Variants in PDXK observed in about 807,000 individuals in gnomAD.
PDXK encodes epididymis secretory sperm binding protein Li 1a.
PDXK carries 15 observed loss-of-function variants against 43.2 expected under a neutral mutation model. That is an observed-to-expected ratio of 0.35 (90% CI 0.23 to 0.53). The LOEUF is 0.53. PDXK is among the 20% of genes least tolerant of loss of function. The pLI is 0.92. For synonymous variants in PDXK, 172 were observed against 165.4 expected, an observed-to-expected ratio of 1.04 and a Z score of -0.31; for missense variants, 343 against 417.0, an observed-to-expected ratio of 0.82 and a Z score of 1.54.
At chr21:43,742,875 A>AT (rs2083561354) in intron 3 of PDXK, among the ~76,000 whole-genome samples, 1 of 152,130 alleles carries the variant, frequency 6.6e-6, no homozygotes, top group Non-Finnish European at 1.5e-5. Context: ...CTCAAAATAA[A>AT]TAAGATTAAA....
Position 43,755,723 on chromosome 21 carries a change from C to G in PDXK, c.785C>G (p.Thr262Ser). The change falls in exon 10 of 11, where the codon ACC becomes AGC. Residue 262 changes from threonine to serine, a missense_variant. Transcript: ENST00000291565. ...LKVACEKTVSTLHHVLQRTIQ... is the reference protein window; with the variant it reads ...LKVACEKTVSSLHHVLQRTIQ... ...GTGGCCTGTGAGAAGACCGTGTCTA[C>G]CTTGCACCACGTTCTGCAGAGGACC... is the stretch of plus-strand genomic sequence containing the variant. The G allele has an allele frequency of 1.9e-6, 3 of 1,614,056 alleles. No individual in the cohort carries two copies. The highest frequency in any genetic ancestry group is 2.5e-6 in the Non-Finnish European group (3 of 1,179,926).
At chr21:43,749,216 T>C (rs2083692363) in intron 6 of PDXK, 136 bp downstream of exon 6, 2 of 503,292 alleles carry the variant, frequency 4.0e-6, no homozygotes, top group Non-Finnish European at 7.1e-6. Context: ...GCAATTCTCC[T>C]GCCTCAGCCT....
rs1601792516 is a variant in PDXK at position 43,732,607 on chromosome 21, A to T, written c.88-1462A>T. 2 of 800,740 alleles carry T rather than the reference A, an allele frequency of 2.5e-6. No individual in the cohort carries two copies. Among genetic ancestry groups the T allele is most frequent in the Non-Finnish European group, 4.6e-6 (2 of 437,220 alleles). The allele number at this position is 800,740 out of a possible 1,614,324, so 49.6% of individuals were successfully genotyped here. On this transcript the variant is annotated intron_variant, in intron 1 of 10. Transcript: ENST00000291565. This position sits in a 1 kb window ranked among gnomAD's most constrained non-coding sequence, Gnocchi z 4.1. ...AGAATATTTTGGCAGGATTTTCAGG[A>T]TTTGTGTCATCGTTGCTTAATATCT...
intron 1 of PDXK, chr21:43,729,088 C>T: frequency 1.1e-6 from 1 of 899,062 alleles, no homozygotes; most frequent in East Asian, 1.4e-4. Flanking sequence ...CGCCCGCAAT[C>T]CTGCCCCCTG....
intron 2 of PDXK, chr21:43,738,787 C>T (rs2083445807): frequency 6.6e-6 from 1 of 152,494 alleles, no homozygotes; most frequent in Admixed American, 6.5e-5. Context: ...CACTGCCTCC[C>T]TTTCACTGTT....
chr21:43,755,718 G>C lies in PDXK; in HGVS notation c.780G>C (p.Val260=), dbSNP rs762399. The change falls in exon 10 of 11, where the codon GTG becomes GTC. Residue 260 remains valine, a synonymous_variant. Coordinates refer to ENST00000291565, the MANE Select transcript of PDXK (RefSeq NM_003681.5). ...NNLKVACEKT[V]STLHHVLQRT... The stretch of plus-strand genomic sequence containing the variant: ...TGCAGGTGGCCTGTGAGAAGACCGT[G>C]TCTACCTTGCACCACGTTCTGCAGA... 522 of 1,614,090 alleles carry C rather than the reference G, an allele frequency of 3.2e-4. 3 individuals are homozygous for C. The African/African-American group carries it at 6.2e-3, about 19-fold the overall frequency.
Position 43,758,347 on chromosome 21 carries a change from A to T in PDXK, c.*2284A>T, listed in dbSNP as rs2083885587. Reference sequence around the variant, plus strand: ...TTTCTTTGGCTGTATCAGCCGAACCAGGAGAGGCCTGGGCTGCGACTAAGG... The same window carrying T: ...TTTCTTTGGCTGTATCAGCCGAACCTGGAGAGGCCTGGGCTGCGACTAAGG... On this transcript the variant is annotated 3_prime_UTR_variant, in exon 11 of 11. Transcript: ENST00000291565. 1 of 153,548 alleles carries T rather than the reference A, an allele frequency of 6.5e-6. No homozygotes were observed. Among genetic ancestry groups the T allele is most frequent in the African/African-American group, 2.4e-5 (1 of 41,446 alleles). The allele number at this position is 153,548 out of a possible 1,614,324, so 9.5% of individuals were successfully genotyped here. A position where few individuals can be genotyped will look rare whatever the true frequency, so the allele number is the denominator to read the frequency against.
chr21:43,739,783 G>A (rs1379359854), intron 2 of PDXK, among the ~76,000 whole-genome samples: 1 of 151,806 alleles, frequency 6.6e-6, no homozygotes. Flanking sequence ...ACCTCCCCAG[G>A]AAAGGAGCAC....
chr21:43,743,471 C>T (rs13048886), intron 3 of PDXK, among the ~76,000 whole-genome samples: 11 of 78,388 alleles, frequency 1.4e-4, no homozygotes, highest in South Asian at 5.3e-4. Flanking sequence ...TCCCCCCAGC[C>T]CCCGAGCACT....
intron 8 of PDXK, among the ~76,000 whole-genome samples, chr21:43,753,288 G>A (rs573066065): frequency 9.9e-5 from 15 of 152,194 alleles, no homozygotes; most frequent in East Asian, 1.9e-4. Context: ...ACACACACTC[G>A]GATGCGTCCA....
intron 4 of PDXK, among the ~76,000 whole-genome samples, chr21:43,745,547 G>C (rs2083624342): frequency 6.6e-6 from 1 of 152,136 alleles, no homozygotes; most frequent in South Asian, 2.1e-4. Flanking sequence ...GGTGGATGGT[G>C]GTCGTGGTTA....
In PDXK at chr21:43,723,183, C is replaced by T. The variant is rs743464; in HGVS notation, c.87+3802C>T. Among the ~76,000 whole-genome samples the T allele has an allele frequency of 0.085, 12,573 of 147,748 alleles. 582 individuals are homozygous for T. Among genetic ancestry groups the T allele is most frequent in the Middle Eastern group, 0.13 (35 of 274 alleles). ...TTTTTTTTTTTTTTGAGACGAGGGT[C>T]TCACTCTGTCGCTCAGGCTGAAGTA... is the stretch of plus-strand genomic sequence containing the variant. On this transcript the variant is annotated intron_variant, in intron 1 of 10. Transcript: ENST00000291565. The surrounding 1 kb of genome is among the most constrained non-coding windows in gnomAD (Gnocchi z 4.1).
intron 5 of PDXK, among the ~76,000 whole-genome samples, chr21:43,747,982 C>T (rs548960069): frequency 2.1e-4 from 32 of 152,206 alleles, no homozygotes; most frequent in Non-Finnish European, 4.3e-4. Context: ...GGAGCAGCGG[C>T]CGGCGTGTGA....
At chr21:43,725,405 C>T (rs7277065) in intron 1 of PDXK, among the ~76,000 whole-genome samples, 19,728 of 152,136 alleles carry the variant, frequency 0.13, 1,581 homozygotes, top group African/African-American at 0.23. Context: ...GTCTTCTTTG[C>T]CTTCAGAACT....
intron 1 of PDXK, among the ~76,000 whole-genome samples, chr21:43,733,051 A>G (rs1459658549): frequency 6.6e-6 from 1 of 152,170 alleles, no homozygotes; most frequent in Non-Finnish European, 1.5e-5. Context: ...CCTGGCCGCA[A>G]AAAAAGTTAA....
intron 2 of PDXK, among the ~76,000 whole-genome samples, chr21:43,736,536 G>A (rs1239723778): frequency 6.6e-6 from 1 of 152,184 alleles, no homozygotes; most frequent in Non-Finnish European, 1.5e-5. Context: ...AGGTGGGGTT[G>A]CACAGGCTGC....
chr21:43,733,561 C>T (rs770196294), intron 1 of PDXK: 18 of 680,152 alleles, frequency 2.6e-5, no homozygotes, highest in Non-Finnish European at 3.3e-5. Flanking sequence ...CTCACACACC[C>T]ACTCCCTGAC....
intron 8 of PDXK, among the ~76,000 whole-genome samples, chr21:43,753,026 C>T (rs2083780810): frequency 1.3e-5 from 2 of 152,214 alleles, no homozygotes; most frequent in African/African-American, 2.4e-5. Flanking sequence ...GGGTTCATAC[C>T]CATGGGCCCA....
intron 2 of PDXK, among the ~76,000 whole-genome samples, chr21:43,740,802 C>G (rs1281283858): frequency 4.0e-5 from 6 of 151,752 alleles, no homozygotes; most frequent in Non-Finnish European, 7.4e-5. Context: ...AGGAGTTGAT[C>G]TAAGACAGGC....
Sources: gnomAD v4.1 joint callset for allele counts (sites outside exome capture counted in the v4.1 genomes callset) on GRCh38, gnomAD v4.1.1 for gene constraint, Gnocchi (gnomAD v3.1) non-coding constraint, MANE v1.5 for transcripts, NCBI Gene and HGNC (gene_info 2026-07-23, HGNC 2026-07-21) for gene names.